NRXN3: variants seen among roughly 807,000 people sequenced by gnomAD.
NRXN3 encodes neurexin 3.
NRXN3 carries 32 observed loss-of-function variants against 137.6 expected under a neutral mutation model. The ratio of observed to expected loss-of-function variants is 0.23; its 90% CI spans 0.18 to 0.31. The LOEUF (loss-of-function observed/expected upper bound fraction) is 0.31, where lower values mean the gene tolerates loss of function less well. Among genes scored for constraint, NRXN3 ranks in the 10% least tolerant of loss-of-function variants. The probability of loss-of-function intolerance (pLI) is 1.00; values close to 1 mark genes in which losing one functional copy is unlikely to be tolerated. For synonymous variants in NRXN3, 798 were observed against 784.5 expected (o/e 1.02, Z -0.29); for missense variants, 1,574 against 2,062.5 (o/e 0.76, Z 4.59).
intron 19 of NRXN3, chr14:79,760,632 A>T (rs181789267): frequency 6.6e-6 from 1 of 151,790 alleles, no homozygotes; most frequent in African/African-American, 2.4e-5. Flanking sequence ...TTTAAAATGC[A>T]AAGAAAGAGC....
At chr14:78,572,633 C>T (rs551273323) in intron 4 of NRXN3, among the ~76,000 whole-genome samples, 30 of 152,330 alleles carry the variant, frequency 2.0e-4, no homozygotes, top group African/African-American at 6.5e-4. Flanking sequence ...AATACACTAA[C>T]ACTGAGATAT....
At chr14:78,580,525 C>T (rs558494018) in intron 4 of NRXN3, among the ~76,000 whole-genome samples, 16 of 152,288 alleles carry the variant, frequency 1.1e-4, no homozygotes, top group Middle Eastern at 6.8e-3. Context: ...TGTGTCCTTT[C>T]CCTCCCTCTC....
At chr14:78,996,407 CTG>C (rs1283836356) in intron 15 of NRXN3, among the ~76,000 whole-genome samples, 3 of 152,178 alleles carry the variant, frequency 2.0e-5, no homozygotes, top group African/African-American at 7.2e-5. Context: ...ACTGCAAAGT[CTG>C]GGCTCTGGAC....
intron 15 of NRXN3, among the ~76,000 whole-genome samples, chr14:79,243,845 T>C (rs2074724585): frequency 6.6e-6 from 1 of 152,114 alleles, no homozygotes; most frequent in South Asian, 2.1e-4. Flanking sequence ...GAAATGTCAT[T>C]ATGTAGTACA....
intron 6 of NRXN3, among the ~76,000 whole-genome samples, chr14:78,674,346 C>T (rs548708133): frequency 1.3e-5 from 2 of 152,148 alleles, no homozygotes; most frequent in South Asian, 4.1e-4. Context: ...TAATGGGGGA[C>T]CTTTCTGAAG....
In NRXN3 at chr14:78,592,042, A is replaced by G. The variant is rs546573300; in HGVS notation, c.758-53078A>G. On this transcript the variant is annotated intron_variant, in intron 4 of 20. Coordinates refer to ENST00000335750, the MANE Select transcript of NRXN3 (RefSeq NM_001330195.2). The stretch of plus-strand genomic sequence containing the variant: ...TTTGTTCACTACAACAATAGTTGCC[A>G]GACCTATTACGGTTATGTAATAGGT... 3.3e-5 allele frequency among the ~76,000 whole-genome samples: 5 copies of G among 152,314 alleles called. No individual in the cohort carries two copies. The South Asian group carries it at 1.0e-3, about 32-fold the overall frequency.
intron 15 of NRXN3, among the ~76,000 whole-genome samples, chr14:79,227,008 A>G (rs920710795): frequency 6.6e-6 from 1 of 151,340 alleles, no homozygotes; most frequent in Non-Finnish European, 1.5e-5. Flanking sequence ...TTTAGTAGAA[A>G]CGGGTTTCAC....
At chr14:78,300,364 G>A (rs1401398606) in intron 4 of NRXN3, among the ~76,000 whole-genome samples, 1 of 152,260 alleles carries the variant, frequency 6.6e-6, no homozygotes, top group Non-Finnish European at 1.5e-5. Context: ...ACTTTGTCAT[G>A]TTTCTGAGGA....
intron 6 of NRXN3, among the ~76,000 whole-genome samples, chr14:78,687,795 C>T (rs1405237046): frequency 6.6e-6 from 1 of 152,228 alleles, no homozygotes; most frequent in East Asian, 1.9e-4. Context: ...ACACATAACA[C>T]TTCTGCTCAA....
Position 78,208,861 on chromosome 14 carries a change from G to A in NRXN3, c.-703-33530G>A, listed in dbSNP as rs567420295. Among the ~76,000 whole-genome samples, 5 of 152,322 alleles carry A rather than the reference G, an allele frequency of 3.3e-5. No individual in the cohort carries two copies. The South Asian group carries it at 1.0e-3, about 32-fold the overall frequency. ...TGATTTCCACTAATACAGCCATTAT[G>A]TGCTATTTAATTTGTAGTTCGCGTA... is the stretch of plus-strand genomic sequence containing the variant. On this transcript the variant is annotated intron_variant, in intron 1 of 20. Transcript: ENST00000335750.
At chr14:78,226,160 C>T (rs1037051998) in intron 1 of NRXN3, among the ~76,000 whole-genome samples, 9 of 152,166 alleles carry the variant, frequency 5.9e-5, no homozygotes, top group South Asian at 2.1e-4. Flanking sequence ...CGTGCCACCA[C>T]GCCCGACTAA....
intron 4 of NRXN3, among the ~76,000 whole-genome samples, chr14:78,605,277 T>G (rs1601228966): frequency 6.6e-6 from 1 of 152,206 alleles, no homozygotes; most frequent in African/African-American, 2.4e-5. Context: ...GAGTCATTAG[T>G]ATCTTGACAT....
At chr14:78,194,236 G>C (rs776423529) in intron 1 of NRXN3, among the ~76,000 whole-genome samples, 2 of 152,232 alleles carry the variant, frequency 1.3e-5, no homozygotes, top group Non-Finnish European at 2.9e-5. Context: ...CGTGGTGTTT[G>C]AGAGTACAGG....
intron 15 of NRXN3, among the ~76,000 whole-genome samples, chr14:79,302,833 T>C (rs1235496245): frequency 6.6e-6 from 1 of 151,930 alleles, no homozygotes; most frequent in African/African-American, 2.4e-5. Context: ...GTGAGTCAAT[T>C]ATACCTCATT....
intron 11 of NRXN3, among the ~76,000 whole-genome samples, chr14:78,959,256 A>G (rs1008880260): frequency 3.3e-5 from 5 of 152,190 alleles, no homozygotes; most frequent in African/African-American, 1.2e-4. Context: ...TAAGCATATC[A>G]GCTCCTTTAA....
At chr14:79,682,669 T>C (rs747462903) in intron 17 of NRXN3, among the ~76,000 whole-genome samples, 2 of 152,162 alleles carry the variant, frequency 1.3e-5, no homozygotes, top group Non-Finnish European at 2.9e-5. Context: ...CTTTTTCTAA[T>C]GATGTTCTAA....
At chr14:79,218,779 T>C (rs2068982682) in intron 15 of NRXN3, among the ~76,000 whole-genome samples, 1 of 151,088 alleles carries the variant, frequency 6.6e-6, no homozygotes, top group Non-Finnish European at 1.5e-5. Flanking sequence ...CAGTGGAGAG[T>C]GAGAAAAGTA....
intron 1 of NRXN3, among the ~76,000 whole-genome samples, chr14:78,226,309 G>A (rs1000417977): frequency 1.3e-5 from 2 of 152,160 alleles, no homozygotes; most frequent in Non-Finnish European, 2.9e-5. Context: ...GGCCCAAGTA[G>A]CAGGTATTTA....
Position 78,812,103 on chromosome 14 carries a change from G to A in NRXN3, c.2275+1759G>A, listed in dbSNP as rs146780318. On this transcript the variant is annotated intron_variant, in intron 10 of 20. Transcript: ENST00000335750. Reference sequence around the variant, plus strand: ...TAAGGATGATAATTAAACTTATAAAGTTGTCCAAATATCACCACAATCACA... The same window carrying A: ...TAAGGATGATAATTAAACTTATAAAATTGTCCAAATATCACCACAATCACA... Among the ~76,000 whole-genome samples the A allele has an allele frequency of 3.8e-4, 58 of 152,156 alleles. 2 individuals carry two copies. In the East Asian group the frequency reaches 9.3e-3, roughly 24 times the overall value.
Sources: gnomAD v4.1 joint callset for allele counts (sites outside exome capture counted in the v4.1 genomes callset) on GRCh38, gnomAD v4.1.1 for gene constraint, MANE v1.5 for transcripts, NCBI Gene and HGNC (gene_info 2026-07-23, HGNC 2026-07-21) for gene names.